SLC35F1: variants seen among roughly 807,000 people sequenced by gnomAD.
SLC35F1 encodes chromosome 6 open reading frame 169.
SLC35F1 carries 14 observed loss-of-function variants against 48.7 expected under a neutral mutation model. That is an observed-to-expected ratio of 0.29 (90% CI 0.19 to 0.45). The LOEUF (loss-of-function observed/expected upper bound fraction) is 0.45, where lower values mean the gene tolerates loss of function less well. Ranked by LOEUF, SLC35F1 falls within the 20% of genes least tolerant of loss-of-function variation. The pLI is 1.00. For synonymous variants in SLC35F1, 190 were observed against 202.2 expected, an observed-to-expected ratio of 0.94 and a Z score of 0.51; for missense variants, 404 against 500.0, an observed-to-expected ratio of 0.81 and a Z score of 1.83.
chr6:118,177,076 C>A (rs879498483), intron 2 of SLC35F1, among the ~76,000 whole-genome samples: 3 of 152,114 alleles, frequency 2.0e-5, no homozygotes, highest in Non-Finnish European at 4.4e-5. Flanking sequence ...AGACTCACTT[C>A]TTTCTAATAA....
chr6:118,294,603 T>G (rs1284991815), intron 7 of SLC35F1, among the ~76,000 whole-genome samples: 1 of 152,204 alleles, frequency 6.6e-6, no homozygotes, highest in Non-Finnish European at 1.5e-5. Flanking sequence ...CGTAACTTTA[T>G]TAAAACAAAC....
intron 1 of SLC35F1, among the ~76,000 whole-genome samples, chr6:118,046,863 G>A (rs1484228409): frequency 1.3e-5 from 2 of 152,038 alleles, no homozygotes; most frequent in African/African-American, 4.8e-5. Context: ...TAGTGAAAAT[G>A]GGACTCCAGC....
At chr6:117,973,033 C>G (rs1039165359) in intron 1 of SLC35F1, among the ~76,000 whole-genome samples, 1 of 152,120 alleles carries the variant, frequency 6.6e-6, no homozygotes, top group African/African-American at 2.4e-5. Context: ...AACAAAATCC[C>G]ACAGACTAGG....
At chr6:118,280,500 A>C (rs1035156086) in intron 6 of SLC35F1, among the ~76,000 whole-genome samples, 1 of 152,158 alleles carries the variant, frequency 6.6e-6, no homozygotes, top group Non-Finnish European at 1.5e-5. Context: ...CCTGGAGGCC[A>C]AAACAAAAGA....
At chr6:118,263,247 G>A (rs956199511) in intron 3 of SLC35F1, among the ~76,000 whole-genome samples, 1 of 152,056 alleles carries the variant, frequency 6.6e-6, no homozygotes, top group Non-Finnish European at 1.5e-5. Flanking sequence ...GTAGAGACAG[G>A]GTTTCTCCAT....
At chr6:118,255,085 G>C (rs1775625531) in intron 3 of SLC35F1, among the ~76,000 whole-genome samples, 1 of 152,114 alleles carries the variant, frequency 6.6e-6, no homozygotes, top group Non-Finnish European at 1.5e-5. Flanking sequence ...AGATTGATTT[G>C]AGGCTAATCC....
At chr6:118,206,170 T>C (rs1002681783) in intron 2 of SLC35F1, among the ~76,000 whole-genome samples, 1 of 152,276 alleles carries the variant, frequency 6.6e-6, no homozygotes, top group Non-Finnish European at 1.5e-5. Flanking sequence ...ATTTATCTTA[T>C]GTATATTTTA....
At chr6:118,002,260 A>T (rs1375302855) in intron 1 of SLC35F1, among the ~76,000 whole-genome samples, 1 of 152,188 alleles carries the variant, frequency 6.6e-6, no homozygotes, top group Non-Finnish European at 1.5e-5. Context: ...ACCATGGAAT[A>T]CTATGCAGCC....
In SLC35F1 at chr6:118,235,564, G is replaced by A. The variant is rs1435019104; in HGVS notation, c.405G>A (p.Leu135=). ...LRRRWWKYMI[L]GLIDLEANYL... ...GAAGATGGTGGAAGTACATGATTTT[G>A]GGACTCATAGACCTGGAAGCAAATT... The change falls in exon 3 of 8, where the codon TTG becomes TTA. Residue 135 remains leucine (L), a synonymous_variant. Coordinates refer to ENST00000360388, the MANE Select transcript of SLC35F1 (RefSeq NM_001029858.4). 6.2e-7 allele frequency: 1 copy of A among 1,613,368 alleles called. No individual in the cohort carries two copies. The highest frequency in any genetic ancestry group is 1.7e-5 in the Admixed American group (1 of 59,964).
At chr6:117,977,408 T>C (rs1376840717) in intron 1 of SLC35F1, among the ~76,000 whole-genome samples, 1 of 152,120 alleles carries the variant, frequency 6.6e-6, no homozygotes, top group African/African-American at 2.4e-5. Flanking sequence ...TGATGCTCAC[T>C]ACCTTAATTA....
intron 2 of SLC35F1, among the ~76,000 whole-genome samples, chr6:118,180,717 G>C (rs1389979561): frequency 1.3e-5 from 2 of 152,082 alleles, no homozygotes; most frequent in Non-Finnish European, 2.9e-5. Context: ...TGGAGAGTGA[G>C]AATGTGCAAT....
chr6:117,942,582 T>C (rs1234023808), intron 1 of SLC35F1, among the ~76,000 whole-genome samples: 1 of 152,226 alleles, frequency 6.6e-6, no homozygotes, highest in African/African-American at 2.4e-5. Flanking sequence ...TTTAAAACAA[T>C]AATTTAACAT....
chr6:118,172,652 A>AT (rs796825311), intron 2 of SLC35F1, among the ~76,000 whole-genome samples: 14 of 152,228 alleles, frequency 9.2e-5, no homozygotes, highest in African/African-American at 3.1e-4. Context: ...TGTGGCTCAG[A>AT]TTTCCTGGCT....
At chr6:118,102,060 G>A (rs1582666983) in intron 1 of SLC35F1, among the ~76,000 whole-genome samples, 1 of 152,310 alleles carries the variant, frequency 6.6e-6, no homozygotes, top group East Asian at 1.9e-4. Flanking sequence ...GGCTGGGAGA[G>A]CTGGAGTTTT....
At chr6:118,293,794 T>C (rs1350807645) in intron 7 of SLC35F1, among the ~76,000 whole-genome samples, 4 of 152,246 alleles carry the variant, frequency 2.6e-5, no homozygotes, top group Non-Finnish European at 5.9e-5. Flanking sequence ...ATCTTGCTAG[T>C]ATGTGATTTT....
intron 2 of SLC35F1, among the ~76,000 whole-genome samples, chr6:118,184,682 CA>C (rs1286034934): frequency 6.6e-6 from 1 of 152,158 alleles, no homozygotes; most frequent in East Asian, 1.9e-4. Flanking sequence ...AAGGACTTTG[CA>C]GGAAAACATG....
At chr6:118,220,626 C>G (rs1451377292) in intron 2 of SLC35F1, among the ~76,000 whole-genome samples, 1 of 152,214 alleles carries the variant, frequency 6.6e-6, no homozygotes. Context: ...CAGCCCAGAC[C>G]TACTGAGTGA....
intron 1 of SLC35F1, among the ~76,000 whole-genome samples, chr6:118,129,312 C>T (rs1773675874): frequency 6.6e-6 from 1 of 151,792 alleles, no homozygotes; most frequent in Non-Finnish European, 1.5e-5. Context: ...GTGAGCATTC[C>T]AGGTAGTGGG....
Position 118,212,802 on chromosome 6 carries a change from G to A in SLC35F1, c.350-22707G>A, listed in dbSNP as rs1036434345. ...AGGAAGGAAGGAAGGAAAGAAGGAA[G>A]GGCACTTATCCAAATTCTCAGCAGC... On this transcript the variant is annotated intron_variant, in intron 2 of 7. Transcript: ENST00000360388. Among the ~76,000 whole-genome samples the A allele has an allele frequency of 4.8e-5, 7 of 144,662 alleles. 1 individual carries two copies. The highest frequency in any genetic ancestry group is 2.3e-4 in the South Asian group (1 of 4,360). 94.9% of individuals were successfully genotyped at this position (144,662 alleles called of 152,430 possible).
Sources: allele counts gnomAD v4.1 joint callset (sites outside exome capture counted in the v4.1 genomes callset), GRCh38; gene constraint gnomAD v4.1.1; transcripts MANE v1.5; gene names NCBI Gene and HGNC (gene_info 2026-07-23, HGNC 2026-07-21).